Variants in PDE7A observed in about 807,000 individuals in gnomAD.
PDE7A encodes the protein high affinity 3',5'-cyclic-AMP phosphodiesterase 7A.
A neutral mutation model predicts 64.3 loss-of-function variants in PDE7A; 39 were observed. The ratio of observed to expected loss-of-function variants is 0.61; its 90% confidence interval spans 0.47 to 0.79. The LOEUF (loss-of-function observed/expected upper bound fraction) is 0.79. Among genes scored for constraint, PDE7A ranks in the 30% least tolerant of loss-of-function variants. The probability of loss-of-function intolerance (pLI) is 0.00; values close to 1 mark genes in which losing one functional copy is unlikely to be tolerated. For missense variants in PDE7A, 470 were observed against 582.8 expected, an observed-to-expected ratio of 0.81 and a Z score of 1.99; for synonymous variants, 203 against 206.8, an observed-to-expected ratio of 0.98 and a Z score of 0.16.
intron 1 of PDE7A, among the ~76,000 whole-genome samples, chr8:65,823,182 T>C (rs1422456539): frequency 2.6e-5 from 4 of 151,998 alleles, no homozygotes; most frequent in South Asian, 2.1e-4. Context: ...TCTAAAAAGT[T>C]TGAAAAACCA....
chr8:65,791,602 T>C (rs1809704397), intron 1 of PDE7A, among the ~76,000 whole-genome samples: 2 of 152,170 alleles, frequency 1.3e-5, no homozygotes, highest in African/African-American at 2.4e-5. Flanking sequence ...CGCTAGTTAA[T>C]AGGTTGGCTC....
intron 3 of PDE7A, among the ~76,000 whole-genome samples, chr8:65,768,605 C>T (rs1296241327): frequency 2.0e-5 from 3 of 152,118 alleles, no homozygotes; most frequent in African/African-American, 4.8e-5. Context: ...TTATCAGCAG[C>T]GTAAAAACAG....
chr8:65,839,832 C>T (rs1402287733), intron 1 of PDE7A, among the ~76,000 whole-genome samples: 2 of 152,156 alleles, frequency 1.3e-5, no homozygotes, highest in Non-Finnish European at 2.9e-5. Context: ...ATTTTAATCC[C>T]TTGGAATCTT....
intron 3 of PDE7A, among the ~76,000 whole-genome samples, chr8:65,760,026 G>C (rs946727932): frequency 6.6e-5 from 10 of 152,108 alleles, no homozygotes; most frequent in African/African-American, 2.4e-4. Context: ...GATCACTTGA[G>C]GTCAGGAGTT....
intron 1 of PDE7A, among the ~76,000 whole-genome samples, chr8:65,808,622 T>C (rs1252471366): frequency 6.6e-6 from 1 of 152,196 alleles, no homozygotes; most frequent in Non-Finnish European, 1.5e-5. Flanking sequence ...ATTCTTATTA[T>C]TTTTGCATGT....
rs76139727 is a variant in PDE7A, at chr8:65,830,834, C to T, written c.138+10537G>A. 4.1e-3 allele frequency among the ~76,000 whole-genome samples: 616 copies of T among 152,018 alleles called. 21 individuals are homozygous for T. In the East Asian group the frequency reaches 0.08, roughly 20 times the overall value. On this transcript the variant is annotated intron_variant, in intron 1 of 12. Transcript: ENST00000401827. ...ATCTACTAAATTCATGAATGAATTT[C>T]CTTTTGTTGCAGAAAAATATAACAT...
rs751291970 is a variant in PDE7A, at chr8:65,727,153, G to T, written c.828+17C>A. ...GAATGCAAAAATAATAAATCTTGAT[G>T]ATAAAATTGCACTAACCTTGTATAA... On this transcript the variant is annotated intron_variant, in intron 8 of 12. Transcript: ENST00000401827. The T allele has an allele frequency of 7.2e-7, 1 of 1,384,372 alleles. No individual in the cohort carries two copies. The highest frequency in any genetic ancestry group is 1.0e-6 in the Non-Finnish European group (1 of 980,218). The allele number at this position is 1,384,372 out of a possible 1,614,324, so 85.8% of individuals were successfully genotyped here.
chr8:65,766,728 G>A (rs1235949910), intron 3 of PDE7A, among the ~76,000 whole-genome samples: 1 of 152,094 alleles, frequency 6.6e-6, no homozygotes, highest in African/African-American at 2.4e-5. Context: ...GTTATTAAGT[G>A]CCTCAAACTT....
At chr8:65,736,888 CTT>C (rs35543290) in intron 6 of PDE7A, among the ~76,000 whole-genome samples, 20 of 133,782 alleles carry the variant, frequency 1.5e-4, no homozygotes, top group Admixed American at 3.0e-4. Context: ...GGTATTGAGG[CTT>C]TTTTTTTTTT....
intron 5 of PDE7A, among the ~76,000 whole-genome samples, chr8:65,742,298 G>A (rs1333497060): frequency 6.6e-6 from 1 of 152,172 alleles, no homozygotes. Flanking sequence ...CCCTGACAAC[G>A]CAGGCCTGGC....
chr8:65,818,354 G>T (rs1053017762), intron 1 of PDE7A, among the ~76,000 whole-genome samples: 1 of 151,908 alleles, frequency 6.6e-6, no homozygotes, highest in Non-Finnish European at 1.5e-5. Context: ...TTGCCATTTT[G>T]TTTTTTTGTT....
chr8:65,730,279 TAA>T (rs1477938258), intron 7 of PDE7A, among the ~76,000 whole-genome samples: 1 of 140,614 alleles, frequency 7.1e-6, no homozygotes, highest in Admixed American at 7.7e-5. Context: ...CTCCCGGGTT[TAA>T]GTGATTCTTC....
chr8:65,741,506 G>A (rs1807434687), intron 5 of PDE7A, among the ~76,000 whole-genome samples: 1 of 152,214 alleles, frequency 6.6e-6, no homozygotes, highest in South Asian at 2.1e-4. Context: ...AGCAATGACA[G>A]AAAAGATGTG....
At chr8:65,813,466 C>T (rs1021687444) in intron 1 of PDE7A, among the ~76,000 whole-genome samples, 1 of 151,992 alleles carries the variant, frequency 6.6e-6, no homozygotes, top group African/African-American at 2.4e-5. Flanking sequence ...TGGGAAAAGA[C>T]CATTTAGTGA....
In PDE7A at chr8:65,724,121, T is replaced by G. The variant is rs543558664; in HGVS notation, c.1162+134A>C. The G allele has an allele frequency of 1.3e-4, 76 of 580,554 alleles. No homozygotes were observed. In the East Asian group the frequency reaches 2.2e-3, roughly 17 times the overall value. 36.0% of individuals were successfully genotyped at this position (580,554 alleles called of 1,614,324 possible). A position where few individuals can be genotyped will look rare whatever the true frequency, so the allele number is the denominator to read the frequency against. On this transcript the variant is annotated intron_variant, in intron 11 of 12. Coordinates refer to ENST00000401827, the MANE Select transcript of PDE7A (RefSeq NM_001242318.3). Reference sequence around the variant, plus strand: ...TCAATTTGTATTGATTAGATGTATATCTATTGTGAATTGTTACTAAAAATG... The same window carrying G: ...TCAATTTGTATTGATTAGATGTATAGCTATTGTGAATTGTTACTAAAAATG...
chr8:65,735,275 G>A lies in PDE7A; in HGVS notation c.596-381C>T, dbSNP rs149813185. Reference sequence around the variant, plus strand: ...CCATCAGAATTCTGCACTTGCTTCCGTCCCATCCTTTAAAATAGCCTTTCA... The same window carrying A: ...CCATCAGAATTCTGCACTTGCTTCCATCCCATCCTTTAAAATAGCCTTTCA... On this transcript the variant is annotated intron_variant, in intron 6 of 12. Transcript: ENST00000401827. Among the ~76,000 whole-genome samples, 201 of 152,196 alleles carry A rather than the reference G, an allele frequency of 1.3e-3. 1 individual carries two copies. The highest frequency in any genetic ancestry group is 3.1e-3 in the South Asian group (15 of 4,820).
At chr8:65,793,019 C>G (rs986854305) in intron 1 of PDE7A, among the ~76,000 whole-genome samples, 1 of 152,012 alleles carries the variant, frequency 6.6e-6, no homozygotes, top group Non-Finnish European at 1.5e-5. Context: ...AATCTTGACA[C>G]TTTACCAACA....
rs371620919 is a variant in PDE7A at position 65,750,474 on chromosome 8, C to CTGTGTGTGTGTGTG, written c.284-2685_284-2672dup. On this transcript the variant is annotated intron_variant, in intron 3 of 12. Transcript: ENST00000401827. Reference sequence around the variant, plus strand: ...TATGTATATATGTAAATTAGAATCACTGTGTGTGTGTGTGTGTGTGTGTGT... The same window carrying CTGTGTGTGTGTGTG: ...TATGTATATATGTAAATTAGAATCACTGTGTGTGTGTGTGTGTGTGTGTGTGTGTGTGTGTGTGT... Among the ~76,000 whole-genome samples the CTGTGTGTGTGTGTG allele has an allele frequency of 8.7e-3, 1,246 of 142,600 alleles. 4 individuals carry two copies. Among genetic ancestry groups the CTGTGTGTGTGTGTG allele is most frequent in the African/African-American group, 0.011 (409 of 38,140 alleles). 93.6% of individuals were successfully genotyped at this position (142,600 alleles called of 152,430 possible).
chr8:65,772,944 G>A (rs982254969), intron 3 of PDE7A, among the ~76,000 whole-genome samples: 1 of 152,118 alleles, frequency 6.6e-6, no homozygotes, highest in Non-Finnish European at 1.5e-5. Context: ...GGAGACGGAG[G>A]CTGCAGTGAG....
Sources: gnomAD v4.1 joint callset for allele counts (sites outside exome capture counted in the v4.1 genomes callset) on GRCh38, gnomAD v4.1.1 for gene constraint, MANE v1.5 for transcripts, NCBI Gene and HGNC (gene_info 2026-07-23, HGNC 2026-07-21) for gene names.